Variants in EDA observed in about 807,000 individuals in gnomAD.
The protein encoded by EDA is ectodysplasin-A.
A neutral mutation model predicts 23.6 loss-of-function variants in EDA; 2 were observed. The observed-to-expected ratio is 0.08, with a 90% CI of 0.03 to 0.27. EDA has a LOEUF of 0.27. Ranked by LOEUF, EDA falls within the 10% of genes least tolerant of loss-of-function variation. The pLI, the probability that EDA is intolerant of heterozygous loss-of-function variation, is 1.00. For synonymous variants in EDA, 131 were observed against 132.0 expected (o/e 0.99, Z 0.05); for missense variants, 229 against 324.2 (o/e 0.71, Z 2.26).
intron 1 of EDA, among the ~76,000 whole-genome samples, chrX:69,940,794 T>C (rs2018747117): frequency 8.9e-6 from 1 of 111,750 alleles, no homozygotes; most frequent in African/African-American, 3.2e-5. Context: ...AATAATACAA[T>C]TATACTATTT....
At chrX:69,950,898 A>G (rs1485889364) in intron 1 of EDA, among the ~76,000 whole-genome samples, 1 of 86,855 alleles carries the variant, frequency 1.2e-5, no homozygotes, top group Non-Finnish European at 2.2e-5. Flanking sequence ...CAATGAGAAC[A>G]CATGGACACA....
chrX:69,878,715 GACACAC>G (rs61027280), intron 1 of EDA, among the ~76,000 whole-genome samples: 23,061 of 98,789 alleles, frequency 0.23, 2,144 homozygotes, highest in African/African-American at 0.3. Flanking sequence ...CCTTCACCAA[GACACAC>G]ACACACACAC....
intron 1 of EDA, among the ~76,000 whole-genome samples, chrX:69,724,285 A>C (rs1271865097): frequency 8.9e-6 from 1 of 111,905 alleles, no homozygotes; most frequent in Non-Finnish European, 1.9e-5. Context: ...TATAGATGAA[A>C]GTGACTGAGT....
At chrX:69,944,730 C>T (rs185576423) in intron 1 of EDA, among the ~76,000 whole-genome samples, 460 of 111,878 alleles carry the variant, frequency 4.1e-3, no homozygotes, top group South Asian at 0.016. Context: ...CCAAACCCAG[C>T]ACAGCACCAG....
intron 1 of EDA, among the ~76,000 whole-genome samples, chrX:69,846,542 A>C (rs978648104): frequency 9.0e-6 from 1 of 110,703 alleles, no homozygotes; most frequent in Admixed American, 9.7e-5. Flanking sequence ...TGATCCGCCC[A>C]CCTCGGCCTC....
In EDA at chrX:69,661,031, C is replaced by T. The variant is rs753612811; in HGVS notation, c.396+44327C>T. 6.3e-5 allele frequency among the ~76,000 whole-genome samples: 7 copies of T among 110,591 alleles called. No individual in the cohort carries two copies. The East Asian group carries it at 1.1e-3, about 18-fold the overall frequency. ...TGTTGTTTCCTGACTTTTTAATGAT[C>T]GCCACTCTAACTGGTGTGAGATGGT... On this transcript the variant is annotated intron_variant, in intron 1 of 7. Coordinates refer to ENST00000374552, the MANE Select transcript of EDA (RefSeq NM_001399.5).
In EDA at chrX:69,650,802, A is replaced by G. The variant is rs1199767519; in HGVS notation, c.396+34098A>G. 2.7e-5 allele frequency among the ~76,000 whole-genome samples: 3 copies of G among 111,430 alleles called. No homozygotes were observed. In the East Asian group the frequency reaches 8.5e-4, roughly 32 times the overall value. ...GGAGGGTCTGCTTTAATTAGAATGA[A>G]CAGAGAAGGTTTTGCTGAGTAGGTA... On this transcript the variant is annotated intron_variant, in intron 1 of 7. Transcript: ENST00000374552.
chrX:69,854,472 G>A (rs2017203295), intron 1 of EDA, among the ~76,000 whole-genome samples: 1 of 111,759 alleles, frequency 8.9e-6, no homozygotes, highest in Admixed American at 9.5e-5. Flanking sequence ...GGGATTACAG[G>A]CATGAGTCTC....
At chrX:69,816,365 T>C (rs2016082417) in intron 1 of EDA, among the ~76,000 whole-genome samples, 1 of 111,146 alleles carries the variant, frequency 9.0e-6, no homozygotes, top group Non-Finnish European at 1.9e-5. Context: ...TTGACAGAAG[T>C]AGGCCTCAAA....
At chrX:70,007,885 ATAGTGTTTGTTTTTAATTTC>A (rs1339250799) in intron 2 of EDA, among the ~76,000 whole-genome samples, 1 of 112,050 alleles carries the variant, frequency 8.9e-6, no homozygotes, top group African/African-American at 3.2e-5. Context: ...GTTAATATAA[ATAGTGTTTGTTTTTAATTTC>A]TAAATTCCAG....
At chrX:70,026,859 C>T (rs2020112233) in intron 3 of EDA, among the ~76,000 whole-genome samples, 1 of 110,426 alleles carries the variant, frequency 9.1e-6, no homozygotes, top group Admixed American at 9.7e-5. Context: ...CCCTCCTCCT[C>T]TTTCCGTGCC....
chrX:69,819,380 A>C (rs1288592310), intron 1 of EDA, among the ~76,000 whole-genome samples: 1 of 112,153 alleles, frequency 8.9e-6, no homozygotes, highest in Non-Finnish European at 1.9e-5. Flanking sequence ...GCAATCAGGC[A>C]AGAGAAAGAA....
At chrX:70,002,358 T>C (rs1305537896) in intron 2 of EDA, among the ~76,000 whole-genome samples, 1 of 110,445 alleles carries the variant, frequency 9.1e-6, no homozygotes, top group African/African-American at 3.3e-5. Context: ...TCAGAGGCCT[T>C]TGTGGAAGGA....
chrX:69,921,130 G>A (rs190700324), intron 1 of EDA, among the ~76,000 whole-genome samples: 81 of 110,651 alleles, frequency 7.3e-4, no homozygotes, highest in African/African-American at 2.6e-3. Context: ...CATGCATGTG[G>A]GCTTTTATTG....
At chrX:69,931,407 G>A (rs2018596393) in intron 1 of EDA, among the ~76,000 whole-genome samples, 1 of 111,458 alleles carries the variant, frequency 9.0e-6, no homozygotes, top group Non-Finnish European at 1.9e-5. Flanking sequence ...GAGAGTCAGG[G>A]ACAATGGTGG....
At chrX:69,978,893 A>G (rs1008718446) in intron 2 of EDA, among the ~76,000 whole-genome samples, 1 of 111,899 alleles carries the variant, frequency 8.9e-6, no homozygotes, top group South Asian at 3.7e-4. Flanking sequence ...CTTTTTTATC[A>G]TGGTAAAATA....
intron 1 of EDA, among the ~76,000 whole-genome samples, chrX:69,660,610 C>G (rs1260147949): frequency 4.6e-5 from 5 of 109,655 alleles, no homozygotes; most frequent in African/African-American, 1.3e-4. Flanking sequence ...TCTGTCATTG[C>G]GATAGTTTGC....
At chrX:69,835,867 T>C (rs1418018840) in intron 1 of EDA, among the ~76,000 whole-genome samples, 2 of 111,992 alleles carry the variant, frequency 1.8e-5, no homozygotes, top group Non-Finnish European at 3.8e-5. Flanking sequence ...CCTTTGGTCT[T>C]TGATGTTGGT....
In EDA at chrX:69,783,791, C is replaced by T. The variant is rs745565341; in HGVS notation, c.396+167087C>T. Among the ~76,000 whole-genome samples the T allele has an allele frequency of 8.3e-4, 91 of 109,013 alleles. No homozygotes were observed. The East Asian group carries it at 0.019, about 23-fold the overall frequency. The allele number at this position is 109,013 out of a possible 115,157, so 94.7% of individuals were successfully genotyped here. ...CTTTATAGCAGCATGATTTATAGTCCTTTGGGTATATACCCAGTAATGGGA... is the reference window on the plus strand; with the variant it reads ...CTTTATAGCAGCATGATTTATAGTCTTTTGGGTATATACCCAGTAATGGGA... On this transcript the variant is annotated intron_variant, in intron 1 of 7. Transcript: ENST00000374552.
Sources: gnomAD v4.1 joint callset for allele counts (sites outside exome capture counted in the v4.1 genomes callset) on GRCh38, gnomAD v4.1.1 for gene constraint, MANE v1.5 for transcripts, NCBI Gene and HGNC (gene_info 2026-07-23, HGNC 2026-07-21) for gene names.